The following SLC22A17 variants were observed in gnomAD, a reference collection of about 807,000 sequenced individuals.
SLC22A17 encodes 24p3 receptor.
A neutral mutation model predicts 53.6 loss-of-function variants in SLC22A17; 38 were observed. The observed-to-expected ratio is 0.71, with a 90% CI of 0.55 to 0.93. The LOEUF is 0.93. Ranked by LOEUF, SLC22A17 falls within the 40% of genes least tolerant of loss-of-function variation. SLC22A17 has a pLI of 0.00. For missense variants in SLC22A17, 704 were observed against 791.0 expected (o/e 0.89, Z 1.32); for synonymous variants, 379 against 353.0 (o/e 1.07, Z -0.82).
At position 23,347,539 on chromosome 14, in the gene SLC22A17, G is replaced by T. The variant is rs1889296387; in HGVS notation, c.1470C>A (p.Ser490=). 2 of 1,614,128 alleles carry T rather than the reference G, an allele frequency of 1.2e-6. No individual in the cohort carries two copies. The highest frequency in any genetic ancestry group is 1.3e-5 in the African/African-American group (1 of 75,042). ...AATCCCACAGGCCCAGCAGGACCAGGGAAGCAATGCCGGTAAGGGTCATGG... is the reference window on the plus strand; with the variant it reads ...AATCCCACAGGCCCAGCAGGACCAGTGAAGCAATGCCGGTAAGGGTCATGG... The change falls in exon 8 of 10, where the codon TCC becomes TCA. Residue 490 remains serine (S), a synonymous_variant. Coordinates refer to ENST00000397267, the Ensembl canonical transcript of SLC22A17. The surrounding 1 kb of genome is among the most constrained non-coding windows in gnomAD (Gnocchi z 5.1).
chr14:23,346,571 T>C, exon 10 of SLC22A17: 7 of 1,419,582 alleles, frequency 4.9e-6, no homozygotes, highest in Non-Finnish European at 6.4e-6. Flanking sequence ...CAGCCCTGCC[T>C]TCCCTACTCA....
At position 23,347,527 on chromosome 14, in the gene SLC22A17, C is replaced by T. The variant is rs767809831; in HGVS notation, c.1482G>A (p.Leu494=). The T allele has an allele frequency of 2.9e-5, 46 of 1,613,970 alleles. No individual in the cohort carries two copies. Among genetic ancestry groups the T allele is most frequent in the Non-Finnish European group, 3.6e-5 (43 of 1,179,994 alleles). Residue 494 remains leucine (L), a synonymous_variant, in exon 8 of 10, where the codon CTG becomes CTA. Coordinates refer to ENST00000397267, the Ensembl canonical transcript of SLC22A17. This position sits in a 1 kb window ranked among gnomAD's most constrained non-coding sequence, Gnocchi z 5.1. Reference sequence around the variant, plus strand: ...TAGGATGCTCACAATCCCACAGGCCCAGCAGGACCAGGGAAGCAATGCCGG... The same window carrying T: ...TAGGATGCTCACAATCCCACAGGCCTAGCAGGACCAGGGAAGCAATGCCGG...
At position 23,348,430 on chromosome 14, in the gene SLC22A17, G is replaced by A. The variant is rs1484533208; in HGVS notation, c.1025+76C>T. 2.1e-5 allele frequency: 33 copies of A among 1,584,898 alleles called. No homozygotes were observed. Among genetic ancestry groups the A allele is most frequent in the Non-Finnish European group, 3.4e-6 (4 of 1,162,518 alleles). ...TGGACCAGGGGTAGTTGGAGAAGAG[G>A]AGGGGTCTCCGGGCTAGGGCTAGTT... On this transcript the variant is annotated intron_variant, in intron 5 of 9. Coordinates refer to ENST00000397267, the Ensembl canonical transcript of SLC22A17. This position sits in a 1 kb window ranked among gnomAD's most constrained non-coding sequence, Gnocchi z 4.5.
At chr14:23,349,653 T>G (rs1350634126) in intron 3 of SLC22A17, 1 of 584,584 alleles carries the variant, frequency 1.7e-6, no homozygotes, top group African/African-American at 1.9e-5. Context: ...GTGGGAACAT[T>G]GACTCTTGGG....
chr14:23,346,716 G>A (rs372274727), exon 10 of SLC22A17: 3 of 1,545,480 alleles, frequency 1.9e-6, no homozygotes, highest in African/African-American at 2.7e-5. Flanking sequence ...GGCTGCCGCA[G>A]CAGGGAAGGC....
At position 23,352,655 on chromosome 14, in the gene SLC22A17, G is replaced by C. The variant is rs937928152; in HGVS notation, c.87C>G (p.Thr29=). The change falls in exon 1 of 10, where the codon ACC becomes ACG. Residue 29 remains threonine, a synonymous_variant. Transcript: ENST00000397267. The surrounding 1 kb of genome is among the most constrained non-coding windows in gnomAD (Gnocchi z 7.2). ...GGGCTCGGGCACTTACTCCGTTGGAGGTGGGGGTGATCTCTACAGTGTTGT... is the reference window on the plus strand; with the variant it reads ...GGGCTCGGGCACTTACTCCGTTGGACGTGGGGGTGATCTCTACAGTGTTGT... The C allele has an allele frequency of 1.8e-3, 743 of 409,890 alleles. 4 individuals carry two copies. The highest frequency in any genetic ancestry group is 2.6e-3 in the Non-Finnish European group (599 of 234,104). The allele number at this position is 409,890 out of a possible 1,614,324, so 25.4% of individuals were successfully genotyped here.
In SLC22A17 at chr14:23,347,058, C is replaced by T. The variant is rs777790700; in HGVS notation, c.1661+43G>A. 111 of 1,561,930 alleles carry T rather than the reference C, an allele frequency of 7.1e-5. No homozygotes were observed. The highest frequency in any genetic ancestry group is 5.0e-4 in the South Asian group (42 of 84,242). On this transcript the variant is annotated intron_variant, in intron 9 of 9. Coordinates refer to ENST00000397267, the Ensembl canonical transcript of SLC22A17. The surrounding 1 kb of genome is among the most constrained non-coding windows in gnomAD (Gnocchi z 5.1). ...AGGGGTGGGGTGGGGGAGCGGGAGG[C>T]GAGGGGGCCCGGCTCTGCCCCTGGG...
In SLC22A17 at chr14:23,347,002, C is replaced by A; in HGVS notation, c.1662-66G>T. The A allele has an allele frequency of 6.7e-7, 1 of 1,497,564 alleles. No homozygotes were observed. The highest frequency in any genetic ancestry group is 2.4e-5 in the East Asian group (1 of 41,022). 92.8% of individuals were successfully genotyped at this position (1,497,564 alleles called of 1,614,324 possible). ...CCTTGCTGGGCCCTTCTCCCGCAGC[C>A]CCCCTCCTCCAGCCCGCAGGCCCTG... On this transcript the variant is annotated intron_variant, in intron 9 of 9. Coordinates refer to ENST00000397267, the Ensembl canonical transcript of SLC22A17. This position sits in a 1 kb window ranked among gnomAD's most constrained non-coding sequence, Gnocchi z 5.1.
At position 23,347,583 on chromosome 14, in the gene SLC22A17, G is replaced by A. The variant is rs1245455912; in HGVS notation, c.1426C>T (p.Arg476Trp). The A allele has an allele frequency of 7.4e-6, 12 of 1,613,934 alleles. No homozygotes were observed. Among genetic ancestry groups the A allele is most frequent in the East Asian group, 2.2e-5 (1 of 44,878 alleles). ...GTCATGGAGAGAAGAAGGATGCCCCGGCGGCCAAATCGGTCCACGGTGACC... is the reference window on the plus strand; with the variant it reads ...GTCATGGAGAGAAGAAGGATGCCCCAGCGGCCAAATCGGTCCACGGTGACC... The change falls in exon 8 of 10, where the codon CGG becomes TGG. Residue 476 changes from arginine (R) to tryptophan (W), a missense_variant. Physicochemically the swap from Arg to Trp is moderately radical, Grantham distance 101. Transcript: ENST00000397267. The surrounding 1 kb of genome is among the most constrained non-coding windows in gnomAD (Gnocchi z 5.1).
chr14:23,350,649 G>A (rs1161290012), intron 3 of SLC22A17, among the ~76,000 whole-genome samples: 1 of 152,194 alleles, frequency 6.6e-6, no homozygotes, highest in Admixed American at 6.5e-5. Context: ...GATCTAATGG[G>A]GTGGGGCATT....
intron 3 of SLC22A17, chr14:23,349,734 T>C: frequency 2.4e-6 from 1 of 420,692 alleles, no homozygotes; most frequent in Non-Finnish European, 4.3e-6. Flanking sequence ...GGATATTGCT[T>C]AGGGGATTTG....
Position 23,347,283 on chromosome 14 carries a change from C to A in SLC22A17, c.1550-71G>T. 8 of 1,495,878 alleles carry A rather than the reference C, an allele frequency of 5.3e-6. No individual in the cohort carries two copies. The highest frequency in any genetic ancestry group is 1.3e-5 in the South Asian group (1 of 79,622). 92.7% of individuals were successfully genotyped at this position (1,495,878 alleles called of 1,614,324 possible). A position where few individuals can be genotyped will look rare whatever the true frequency, so the allele number is the denominator to read the frequency against. ...GGCTGGCCTAGTCCCGGGTGTCATC[C>A]CCTTGGCTCTCTGTTCCCATGGCTC... On this transcript the variant is annotated intron_variant, in intron 8 of 9. Coordinates refer to ENST00000397267, the Ensembl canonical transcript of SLC22A17. This position sits in a 1 kb window ranked among gnomAD's most constrained non-coding sequence, Gnocchi z 5.1.
chr14:23,347,792 A>C lies in SLC22A17; in HGVS notation c.1278-61T>G. ...TGAATCCCCTCCCGCAGCCTTCTAC[A>C]GTGCTGATGGTCCTCCGCAGGGGTC... On this transcript the variant is annotated intron_variant, in intron 7 of 9. Transcript: ENST00000397267. The surrounding 1 kb of genome is among the most constrained non-coding windows in gnomAD (Gnocchi z 5.1). 1 of 1,610,784 alleles carries C rather than the reference A, an allele frequency of 6.2e-7. No individual in the cohort carries two copies. The highest frequency in any genetic ancestry group is 2.2e-5 in the East Asian group (1 of 44,828).
chr14:23,346,961 C>T (rs1566477986), intron 9 of SLC22A17, 25 bp from the exon 10 acceptor site: 1 of 1,516,890 alleles, frequency 6.6e-7, no homozygotes, highest in East Asian at 2.4e-5. Context: ...AGGAGGAGCT[C>T]AGCCCACAGC....
Position 23,352,446 on chromosome 14 carries a change from G to A in SLC22A17, c.102C>T (p.Val34=), listed in dbSNP as rs1889701569. 3 of 461,784 alleles carry A rather than the reference G, an allele frequency of 6.5e-6. No individual in the cohort carries two copies. The highest frequency in any genetic ancestry group is 1.1e-5 in the Non-Finnish European group (3 of 267,790). The allele number at this position is 461,784 out of a possible 1,614,324, so 28.6% of individuals were successfully genotyped here. ...TGGGCACCGCATCTCCGAGGGTCCCGACCTGCTGTTGGGGGGCAGGGGGTG... is the reference window on the plus strand; with the variant it reads ...TGGGCACCGCATCTCCGAGGGTCCCAACCTGCTGTTGGGGGGCAGGGGGTG... Residue 34 remains valine, a synonymous_variant, in exon 2 of 10, where the codon GTC becomes GTT. Coordinates refer to ENST00000397267, the Ensembl canonical transcript of SLC22A17. This position sits in a 1 kb window ranked among gnomAD's most constrained non-coding sequence, Gnocchi z 7.2.
In SLC22A17 at chr14:23,348,811, C is replaced by T; in HGVS notation, c.860-140G>A. ...GAGGCTGCAGCCATTGCCTCCCTTG[C>T]TAACCTCTGGGTGGCAAGGACTGGG... On this transcript the variant is annotated intron_variant, in intron 4 of 9. Transcript: ENST00000397267. The surrounding 1 kb of genome is among the most constrained non-coding windows in gnomAD (Gnocchi z 4.5). The T allele has an allele frequency of 1.1e-6, 1 of 905,414 alleles. No homozygotes were observed. Among genetic ancestry groups the T allele is most frequent in the Admixed American group, 2.9e-5 (1 of 34,270 alleles). 56.1% of individuals were successfully genotyped at this position (905,414 alleles called of 1,614,324 possible).
rs1889252995 is a variant in SLC22A17 at position 23,347,037 on chromosome 14, G to A, written c.1661+64C>T. ...CAGCCCGCAGGCCCTGTCCTCAGGG[G>A]TGGGGTGGGGGAGCGGGAGGCGAGG... On this transcript the variant is annotated intron_variant, in intron 9 of 9. Coordinates refer to ENST00000397267, the Ensembl canonical transcript of SLC22A17. The surrounding 1 kb of genome is among the most constrained non-coding windows in gnomAD (Gnocchi z 5.1). The A allele has an allele frequency of 6.5e-7, 1 of 1,530,202 alleles. No homozygotes were observed. The highest frequency in any genetic ancestry group is 8.8e-7 in the Non-Finnish European group (1 of 1,137,508). 94.8% of individuals were successfully genotyped at this position (1,530,202 alleles called of 1,614,324 possible).
Position 23,348,827 on chromosome 14 carries a change from A to T in SLC22A17, c.860-156T>A. Reference sequence around the variant, plus strand: ...CCTCCCTTGCTAACCTCTGGGTGGCAAGGACTGGGGAGACTGTTCAGCCCT... The same window carrying T: ...CCTCCCTTGCTAACCTCTGGGTGGCTAGGACTGGGGAGACTGTTCAGCCCT... On this transcript the variant is annotated intron_variant, in intron 4 of 9. Transcript: ENST00000397267. The surrounding 1 kb of genome is among the most constrained non-coding windows in gnomAD (Gnocchi z 4.5). 1.3e-6 allele frequency: 1 copy of T among 791,600 alleles called. No homozygotes were observed. Among genetic ancestry groups the T allele is most frequent in the Non-Finnish European group, 2.0e-6 (1 of 512,020 alleles). The allele number at this position is 791,600 out of a possible 1,614,324, so 49.0% of individuals were successfully genotyped here. A position where few individuals can be genotyped will look rare whatever the true frequency, so the allele number is the denominator to read the frequency against.
exon 3 of SLC22A17, chr14:23,351,851 T>A (rs1889642989): frequency 6.2e-7 from 1 of 1,613,410 alleles, no homozygotes; most frequent in Non-Finnish European, 8.5e-7. Context: ...ACACACCAGA[T>A]CCCACTGGGG....
Sources: allele counts gnomAD v4.1 joint callset (sites outside exome capture counted in the v4.1 genomes callset), GRCh38; gene constraint gnomAD v4.1.1; non-coding constraint Gnocchi (gnomAD v3.1); transcripts MANE v1.5; gene names NCBI Gene and HGNC (gene_info 2026-07-23, HGNC 2026-07-21).